The following ANXA13 variants were observed in gnomAD, a reference collection of about 807,000 sequenced individuals.
The protein encoded by ANXA13 is annexin XIII.
ANXA13 carries 36 observed loss-of-function variants against 46.6 expected under a neutral mutation model. The observed-to-expected ratio is 0.77, with a 90% confidence interval of 0.59 to 1.02. The LOEUF (loss-of-function observed/expected upper bound fraction) is 1.02, where lower values mean the gene tolerates loss of function less well. ANXA13 is among the 50% of genes least tolerant of loss of function. The probability of loss-of-function intolerance (pLI) is 0.00; values close to 1 mark genes in which losing one functional copy is unlikely to be tolerated. For synonymous variants in ANXA13, 163 were observed against 152.9 expected (o/e 1.07, Z -0.49); for missense variants, 417 against 396.5 (o/e 1.05, Z -0.44).
intron 3 of ANXA13, among the ~76,000 whole-genome samples, chr8:123,700,356 C>T (rs536268767): frequency 4.6e-5 from 7 of 152,324 alleles, no homozygotes; most frequent in South Asian, 2.1e-4. Flanking sequence ...GTAGAAGGCT[C>T]GGGATAGCTC....
intron 1 of ANXA13, among the ~76,000 whole-genome samples, chr8:123,714,291 T>C (rs1813721884): frequency 6.6e-6 from 1 of 152,164 alleles, no homozygotes; most frequent in Non-Finnish European, 1.5e-5. Flanking sequence ...TCAGGATTGG[T>C]TCAGGAGTGA....
chr8:123,693,789 T>C lies in ANXA13; in HGVS notation c.472-10A>G. The C allele has an allele frequency of 4.3e-6, 7 of 1,612,410 alleles. No individual in the cohort carries two copies. The highest frequency in any genetic ancestry group is 5.9e-6 in the Non-Finnish European group (7 of 1,179,062). On this transcript the variant is annotated splice_polypyrimidine_tract_variant and intron_variant, in intron 6 of 10. Coordinates refer to ENST00000419625, the MANE Select transcript of ANXA13 (RefSeq NM_004306.4). ...CTTCATTGCGATTAGCCTAGAAAAA[T>C]TGACACATTGTTATTAACTTGCATT... is the stretch of plus-strand genomic sequence containing the variant.
chr8:123,706,617 T>C (rs901905046), intron 2 of ANXA13, among the ~76,000 whole-genome samples: 3 of 152,226 alleles, frequency 2.0e-5, no homozygotes, highest in Non-Finnish European at 4.4e-5. Context: ...ACCACCCACA[T>C]GCAAGTTCCT....
intron 1 of ANXA13, among the ~76,000 whole-genome samples, chr8:123,718,102 T>A (rs1303637464): frequency 6.6e-6 from 1 of 152,158 alleles, no homozygotes; most frequent in African/African-American, 2.4e-5. Context: ...AAACTAACTA[T>A]GGTAAATGGG....
At chr8:123,727,591 G>T (rs1440669875) in intron 1 of ANXA13, 3 of 151,872 alleles carry the variant, frequency 2.0e-5, no homozygotes, top group African/African-American at 7.3e-5. Context: ...TAGAGGCCAG[G>T]ATTCTGCTAA....
chr8:123,734,368 G>T (rs552321165), intron 1 of ANXA13, among the ~76,000 whole-genome samples: 1 of 152,068 alleles, frequency 6.6e-6, no homozygotes, highest in Admixed American at 6.6e-5. Flanking sequence ...TTCTCTCTGT[G>T]TACACTCTAC....
chr8:123,713,732 C>T (rs1332675392), intron 1 of ANXA13, among the ~76,000 whole-genome samples: 1 of 152,164 alleles, frequency 6.6e-6, no homozygotes, highest in East Asian at 1.9e-4. Flanking sequence ...CTCTCTCTGT[C>T]AACCAGGCTG....
chr8:123,684,795 G>A, intron 9 of ANXA13, 73 bp from the exon 10 acceptor site: 1 of 1,100,500 alleles, frequency 9.1e-7, no homozygotes. Context: ...CCCCCTAAAT[G>A]TCACCTGGCT....
chr8:123,710,611 C>G (rs935475827), intron 2 of ANXA13, among the ~76,000 whole-genome samples: 30 of 152,190 alleles, frequency 2.0e-4, no homozygotes, highest in Non-Finnish European at 1.2e-4. Context: ...GTCCCCACCC[C>G]CTCCAGGACT....
At chr8:123,729,493 G>C (rs141843926) in intron 1 of ANXA13, among the ~76,000 whole-genome samples, 135 of 152,260 alleles carry the variant, frequency 8.9e-4, no homozygotes, top group African/African-American at 3.2e-3. Context: ...GCTGCTTGGA[G>C]CTTTGCAGAA....
rs1231856510 is a variant in ANXA13, at chr8:123,684,864, T to C, written c.719-142A>G. The C allele has an allele frequency of 7.9e-6, 5 of 635,060 alleles. No homozygotes were observed. The African/African-American group carries it at 9.2e-5, about 12-fold the overall frequency. The allele number at this position is 635,060 out of a possible 1,614,324, so 39.3% of individuals were successfully genotyped here. A position where few individuals can be genotyped will look rare whatever the true frequency, so the allele number is the denominator to read the frequency against. On this transcript the variant is annotated intron_variant, in intron 9 of 10. Coordinates refer to ENST00000419625, the MANE Select transcript of ANXA13 (RefSeq NM_004306.4). ...TGTGAAAAGAGCTGACTTGACACCG[T>C]TGCGAAATGAGATTTGGAAGATTCC...
chr8:123,692,938 G>A (rs994546921), intron 8 of ANXA13, among the ~76,000 whole-genome samples: 1 of 152,112 alleles, frequency 6.6e-6, no homozygotes, highest in Admixed American at 6.6e-5. Context: ...CTTGGTGGTG[G>A]GCTGTCCTGT....
intron 7 of ANXA13, 52 bp downstream of exon 7, chr8:123,693,659 C>T: frequency 2.7e-6 from 4 of 1,456,898 alleles, no homozygotes; most frequent in Non-Finnish European, 3.8e-6. Flanking sequence ...GAAAATAATG[C>T]TAATAAATTT....
chr8:123,732,512 C>T (rs187139817), intron 1 of ANXA13, among the ~76,000 whole-genome samples: 2 of 152,284 alleles, frequency 1.3e-5, no homozygotes, highest in East Asian at 3.9e-4. Context: ...GGTGGGCTCA[C>T]GCTGCTGGGA....
intron 9 of ANXA13, among the ~76,000 whole-genome samples, chr8:123,688,428 CTTTA>C (rs1813177415): frequency 6.6e-6 from 1 of 152,114 alleles, no homozygotes; most frequent in African/African-American, 2.4e-5. Context: ...TTGGCTATGT[CTTTA>C]TCAGCAGCAT....
At chr8:123,693,804 T>C (rs777696663) in intron 6 of ANXA13, 25 bp from the exon 7 acceptor site, 6 of 1,596,138 alleles carry the variant, frequency 3.8e-6, no homozygotes, top group African/African-American at 2.7e-5. Flanking sequence ...ACATTGTTAT[T>C]AACTTGCATT....
chr8:123,695,840 T>A, intron 4 of ANXA13, 119 bp from the exon 5 acceptor site: 1 of 867,576 alleles, frequency 1.2e-6, no homozygotes, highest in Non-Finnish European at 1.9e-6. Context: ...GACTTCCTCT[T>A]AAGATGGTCA....
At chr8:123,720,735 C>T (rs1014486477) in intron 1 of ANXA13, among the ~76,000 whole-genome samples, 3 of 144,754 alleles carry the variant, frequency 2.1e-5, no homozygotes, top group Admixed American at 7.0e-5. Context: ...ACCCATTAAA[C>T]AAATAATACT....
chr8:123,711,304 C>A (rs148422379), intron 2 of ANXA13, among the ~76,000 whole-genome samples: 13 of 152,242 alleles, frequency 8.5e-5, no homozygotes, highest in Admixed American at 7.2e-4. Context: ...CTGTCAGTCT[C>A]AGTACCTTCC....
Sources: allele counts gnomAD v4.1 joint callset (sites outside exome capture counted in the v4.1 genomes callset), GRCh38; gene constraint gnomAD v4.1.1; transcripts MANE v1.5; gene names NCBI Gene and HGNC (gene_info 2026-07-23, HGNC 2026-07-21).